GRIK2: variants seen among roughly 807,000 people sequenced by gnomAD.
GRIK2 encodes glutamate receptor ionotropic, kainate 2.
A neutral mutation model predicts 100.3 loss-of-function variants in GRIK2; 32 were observed. That is an observed-to-expected ratio of 0.32 (90% CI 0.24 to 0.43). The LOEUF is 0.43. Ranked by LOEUF, GRIK2 falls within the 20% of genes least tolerant of loss-of-function variation. GRIK2 has a pLI of 1.00. For synonymous variants in GRIK2, 417 were observed against 389.4 expected (o/e 1.07, Z -0.83); for missense variants, 843 against 1,114.9 (o/e 0.76, Z 3.47).
chr6:101,637,403 T>TAAA (rs1781074414), intron 4 of GRIK2, among the ~76,000 whole-genome samples: 1 of 152,162 alleles, frequency 6.6e-6, no homozygotes, highest in Non-Finnish European at 1.5e-5. Context: ...TTTCCCTCTT[T>TAAA]ATTGGGTTGC....
Position 101,728,695 on chromosome 6 carries a change from A to T in GRIK2, c.951+42342A>T, listed in dbSNP as rs181065753. On this transcript the variant is annotated intron_variant, in intron 7 of 16. Transcript: ENST00000369134. ...GTAAGCACTCAGTGTTGTTATTATT[A>T]AGATATACATGTTGCCTTAATTGAC... Among the ~76,000 whole-genome samples, 269 of 152,136 alleles carry T rather than the reference A, an allele frequency of 1.8e-3. 2 individuals carry two copies. The highest frequency in any genetic ancestry group is 5.9e-3 in the African/African-American group (245 of 41,548).
At chr6:101,778,218 GAAGA>G (rs1778869348) in intron 7 of GRIK2, among the ~76,000 whole-genome samples, 1 of 152,072 alleles carries the variant, frequency 6.6e-6, no homozygotes, top group Non-Finnish European at 1.5e-5. Flanking sequence ...AATGTAAAAG[GAAGA>G]AAGAAGATAC....
At chr6:101,626,853 G>A (rs890733911) in intron 4 of GRIK2, among the ~76,000 whole-genome samples, 1 of 151,932 alleles carries the variant, frequency 6.6e-6, no homozygotes, top group Non-Finnish European at 1.5e-5. Flanking sequence ...TGTAAAATAA[G>A]CATTTTTTTA....
intron 7 of GRIK2, among the ~76,000 whole-genome samples, chr6:101,765,176 TGTGC>T (rs892389187): frequency 6.6e-6 from 1 of 152,196 alleles, no homozygotes; most frequent in African/African-American, 2.4e-5. Context: ...GTTTTTTGTA[TGTGC>T]ATGCTATAGC....
intron 2 of GRIK2, among the ~76,000 whole-genome samples, chr6:101,548,728 A>T (rs1454795842): frequency 1.3e-5 from 2 of 152,212 alleles, no homozygotes; most frequent in Non-Finnish European, 2.9e-5. Flanking sequence ...CATCATGTAT[A>T]GCATTTGTTG....
rs2243354 is a variant in GRIK2 at position 101,889,605 on chromosome 6, C to CTTTTTTTTT, written c.1525-27_1525-19dup. On this transcript the variant is annotated intron_variant, in intron 11 of 16. Coordinates refer to ENST00000369134, the MANE Select transcript of GRIK2 (RefSeq NM_021956.5). ...CAATTTTTTCTCTCTTTCTTTCTTT[C>CTTTTTTTTT]TTTTTTTTTTTTTTTTGTTTGTTTC... is the stretch of plus-strand genomic sequence containing the variant. 7.9e-4 allele frequency: 561 copies of CTTTTTTTTT among 712,416 alleles called. 25 individuals are homozygous for CTTTTTTTTT. Among genetic ancestry groups the CTTTTTTTTT allele is most frequent in the South Asian group, 2.8e-3 (112 of 39,508 alleles). 44.1% of individuals were successfully genotyped at this position (712,416 alleles called of 1,614,324 possible). A position where few individuals can be genotyped will look rare whatever the true frequency, so the allele number is the denominator to read the frequency against.
At chr6:101,852,549 A>T (rs2791836) in intron 10 of GRIK2, among the ~76,000 whole-genome samples, 145,348 of 152,252 alleles carry the variant, frequency 0.95, 69,412 homozygotes, top group African/African-American at 0.98. Flanking sequence ...GCCTGCTATG[A>T]GCCAGGGGAT....
intron 9 of GRIK2, among the ~76,000 whole-genome samples, chr6:101,817,591 G>T (rs1234992797): frequency 6.6e-6 from 1 of 152,140 alleles, no homozygotes; most frequent in African/African-American, 2.4e-5. Context: ...ACCATCTAAT[G>T]AATGCATTTT....
chr6:101,485,092 T>A (rs961456970), intron 2 of GRIK2, among the ~76,000 whole-genome samples: 2 of 152,226 alleles, frequency 1.3e-5, no homozygotes, highest in African/African-American at 4.8e-5. Flanking sequence ...ACAGATCATT[T>A]GCTTCAGCAA....
intron 7 of GRIK2, among the ~76,000 whole-genome samples, chr6:101,784,721 C>T (rs911049433): frequency 6.6e-6 from 1 of 152,046 alleles, no homozygotes; most frequent in African/African-American, 2.4e-5. Flanking sequence ...GGCAGTTTTC[C>T]CTGCTATCCC....
At chr6:101,465,253 T>G (rs1401117549) in intron 2 of GRIK2, among the ~76,000 whole-genome samples, 1 of 152,176 alleles carries the variant, frequency 6.6e-6, no homozygotes, top group Admixed American at 6.5e-5. Context: ...AAGTAATTTC[T>G]CATCTCTTCC....
chr6:102,044,007 T>TTTTTCTTCACAGTCTCAGGTATATC (rs1770740350), intron 15 of GRIK2, among the ~76,000 whole-genome samples: 1 of 151,994 alleles, frequency 6.6e-6, no homozygotes, highest in African/African-American at 2.4e-5. Flanking sequence ...ATTAAGCCTA[T>TTTTTCTTCACAGTCTCAGGTATATC]TTTTCTTCAC....
chr6:101,639,881 CAAAT>C (rs953379345), intron 4 of GRIK2, among the ~76,000 whole-genome samples: 2 of 152,074 alleles, frequency 1.3e-5, no homozygotes, highest in African/African-American at 2.4e-5. Flanking sequence ...AGGAACCAAA[CAAAT>C]AATTTTTTTG....
At chr6:101,565,679 T>A (rs919335934) in intron 2 of GRIK2, among the ~76,000 whole-genome samples, 2 of 151,776 alleles carry the variant, frequency 1.3e-5, no homozygotes, top group Non-Finnish European at 2.9e-5. Flanking sequence ...AATCAAATTC[T>A]ACCTGTGTCA....
chr6:101,765,821 ACTC>A (rs1778013623), intron 7 of GRIK2, among the ~76,000 whole-genome samples: 1 of 152,046 alleles, frequency 6.6e-6, no homozygotes, highest in Non-Finnish European at 1.5e-5. Flanking sequence ...GATTAAAACT[ACTC>A]TTCATCTAGA....
intron 14 of GRIK2, among the ~76,000 whole-genome samples, chr6:101,997,344 C>T (rs571865883): frequency 7.0e-4 from 107 of 152,128 alleles, no homozygotes; most frequent in Middle Eastern, 6.8e-3. Flanking sequence ...ACCACTCTAA[C>T]GTACATTAGT....
At chr6:101,447,719 G>A (rs2128248056) in intron 2 of GRIK2, among the ~76,000 whole-genome samples, 1 of 151,650 alleles carries the variant, frequency 6.6e-6, no homozygotes, top group South Asian at 2.1e-4. Flanking sequence ...GAGACATTAT[G>A]TACTTCAAAG....
intron 7 of GRIK2, among the ~76,000 whole-genome samples, chr6:101,743,462 T>G (rs1776176211): frequency 6.6e-6 from 1 of 152,212 alleles, no homozygotes; most frequent in African/African-American, 2.4e-5. Flanking sequence ...CACGTTGGGA[T>G]GCAATTCACT....
chr6:101,746,333 T>A (rs1776418923), intron 7 of GRIK2, among the ~76,000 whole-genome samples: 1 of 152,106 alleles, frequency 6.6e-6, no homozygotes, highest in Admixed American at 6.6e-5. Flanking sequence ...TTCAAATATT[T>A]TATTTATTTA....
Sources: gnomAD v4.1 joint callset for allele counts (sites outside exome capture counted in the v4.1 genomes callset) on GRCh38, gnomAD v4.1.1 for gene constraint, MANE v1.5 for transcripts, NCBI Gene and HGNC (gene_info 2026-07-23, HGNC 2026-07-21) for gene names.